Variants in PDCD6 observed in about 807,000 individuals in gnomAD.
PDCD6 encodes programmed cell death protein 6.
PDCD6 carries 12 observed loss-of-function variants against 28.3 expected under a neutral mutation model. The ratio of observed to expected loss-of-function variants is 0.42; its 90% CI spans 0.27 to 0.69. The LOEUF (loss-of-function observed/expected upper bound fraction) is 0.69, where lower values mean the gene tolerates loss of function less well. Ranked by LOEUF, PDCD6 falls within the 30% of genes least tolerant of loss-of-function variation. The pLI is 0.22. For missense variants in PDCD6, 226 were observed against 269.9 expected (o/e 0.84, Z 1.14); for synonymous variants, 92 against 108.0 (o/e 0.85, Z 0.92).
intron 2 of PDCD6, among the ~76,000 whole-genome samples, chr5:297,259 C>T (rs550470329): frequency 3.3e-5 from 5 of 152,378 alleles, no homozygotes; most frequent in Non-Finnish European, 7.3e-5. Context: ...CACTGTGGAT[C>T]TACCATGTGG....
chr5:308,558 A>G (rs1316092694), intron 4 of PDCD6: 2 of 152,122 alleles, frequency 1.3e-5, no homozygotes, highest in Non-Finnish European at 2.9e-5. Context: ...GCCATCTCCC[A>G]CGTCTTCCTT....
chr5:306,519 T>C, intron 3 of PDCD6, 83 bp from the exon 4 acceptor site: 1 of 1,496,440 alleles, frequency 6.7e-7, no homozygotes, highest in Non-Finnish European at 9.3e-7. Flanking sequence ...CGCCAGGCTC[T>C]GAGGGCTGAG....
intron 2 of PDCD6, among the ~76,000 whole-genome samples, chr5:294,031 A>G (rs1403845790): frequency 6.7e-6 from 1 of 148,764 alleles, no homozygotes; most frequent in Non-Finnish European, 1.5e-5. Context: ...AGGTATGGCC[A>G]TGGCTGACAC....
intron 1 of PDCD6, among the ~76,000 whole-genome samples, chr5:272,494 G>A (rs561016271): frequency 4.3e-4 from 59 of 138,512 alleles, no homozygotes; most frequent in Non-Finnish European, 7.9e-4. Context: ...GGAAGGGAAG[G>A]ATTGAGGTGA....
rs1026040825 is a variant in PDCD6, at chr5:314,827, G to A, written c.*312G>A. The stretch of plus-strand genomic sequence containing the variant: ...TTTTCTAGATGTCTCTGGTTCTATA[G>A]TGCAAATGCTTTTATTAGCCAATAG... On this transcript the variant is annotated 3_prime_UTR_variant, in exon 6 of 6. Transcript: ENST00000264933. 9.3e-6 allele frequency: 4 copies of A among 431,446 alleles called. No homozygotes were observed. Among genetic ancestry groups the A allele is most frequent in the East Asian group, 4.8e-5 (1 of 21,004 alleles). The allele number at this position is 431,446 out of a possible 1,614,324, so 26.7% of individuals were successfully genotyped here.
intron 2 of PDCD6, among the ~76,000 whole-genome samples, chr5:281,869 G>A (rs73730798): frequency 3.1e-5 from 4 of 129,112 alleles, no homozygotes; most frequent in Admixed American, 7.6e-5. Context: ...GATGTTGTTC[G>A]CTTTGAGGGT....
chr5:293,293 A>G (rs571451662), intron 2 of PDCD6, among the ~76,000 whole-genome samples: 2 of 150,328 alleles, frequency 1.3e-5, no homozygotes, highest in African/African-American at 4.9e-5. Context: ...ACTGTCAGAG[A>G]TGGAGAAAGG....
rs752391766 is a variant in PDCD6 at position 314,476 on chromosome 5, G to A, written c.537G>A (p.Ser179=). The A allele has an allele frequency of 2.6e-5, 42 of 1,613,610 alleles. No individual in the cohort carries two copies. The highest frequency in any genetic ancestry group is 3.3e-4 in the Middle Eastern group (2 of 6,084). ...ATCAGGACGGCTGGATTCAGGTGTC[G>A]TACGAACAGTACCTGTCCATGGTCT... is the stretch of plus-strand genomic sequence containing the variant. The part of the protein sequence containing the change: ...DTDQDGWIQV[S]YEQYLSMVFS... The change falls in exon 6 of 6, where the codon TCG becomes TCA. Residue 179 remains serine, a synonymous_variant. Coordinates refer to ENST00000264933, the MANE Select transcript of PDCD6 (RefSeq NM_013232.4).
rs575467325 is a variant in PDCD6, at chr5:290,508, A to G, written c.164-13669A>G. Among the ~76,000 whole-genome samples the G allele has an allele frequency of 8.3e-4, 126 of 152,254 alleles. 1 individual carries two copies. The highest frequency in any genetic ancestry group is 3.2e-3 in the Admixed American group (49 of 15,302). On this transcript the variant is annotated intron_variant, in intron 2 of 5. Transcript: ENST00000264933. ...AGAGAGTGAGACCAACAGAGCGAGC[A>G]TCTCCCCAAGCCACTACCACCAACC...
chr5:274,457 G>C (rs1056185992), intron 2 of PDCD6, among the ~76,000 whole-genome samples: 6 of 152,196 alleles, frequency 3.9e-5, no homozygotes, highest in Non-Finnish European at 7.3e-5. Context: ...TACCAGTTTT[G>C]TGTCCTCGCC....
At chr5:295,196 TA>T (rs941475196) in intron 2 of PDCD6, among the ~76,000 whole-genome samples, 6 of 143,974 alleles carry the variant, frequency 4.2e-5, no homozygotes, top group South Asian at 4.2e-4. Context: ...AAAAACATAT[TA>T]AAAAAAACTC....
chr5:286,040 C>T (rs1481126300), intron 2 of PDCD6, among the ~76,000 whole-genome samples: 6 of 140,892 alleles, frequency 4.3e-5, no homozygotes, highest in Non-Finnish European at 7.6e-5. Flanking sequence ...GCTGGAGACC[C>T]GGGGAGTGGG....
At chr5:272,964 A>G (rs1422069689) in intron 2 of PDCD6, 192 bp downstream of exon 2, 8 of 1,101,814 alleles carry the variant, frequency 7.3e-6, no homozygotes, top group African/African-American at 1.9e-5. Context: ...GGAGTGCCTC[A>G]CCGAGCCAGC....
intron 2 of PDCD6, among the ~76,000 whole-genome samples, chr5:281,046 G>A (rs942524091): frequency 6.6e-6 from 1 of 152,206 alleles, no homozygotes; most frequent in Non-Finnish European, 1.5e-5. Context: ...AAATAAGATC[G>A]CATCTACAGC....
intron 2 of PDCD6, among the ~76,000 whole-genome samples, chr5:290,699 G>A (rs1324450265): frequency 1.3e-5 from 2 of 152,228 alleles, no homozygotes; most frequent in Admixed American, 6.5e-5. Context: ...TCTGGCAATT[G>A]AGTCCGTTCA....
chr5:310,229 C>T (rs1023215547), intron 4 of PDCD6: 1 of 158,870 alleles, frequency 6.3e-6, no homozygotes, highest in African/African-American at 2.4e-5. Flanking sequence ...GTCTTTTCAG[C>T]TTGCAAGGAA....
rs556876571 is a variant in PDCD6 at position 290,090 on chromosome 5, G to A, written c.164-14087G>A. ...ATTCTTTCCTTCATTTCATCAAAGG[G>A]AATATATTCGACATTAGGGTTGGGA... On this transcript the variant is annotated intron_variant, in intron 2 of 5. Transcript: ENST00000264933. The A allele has an allele frequency of 4.5e-5, 70 of 1,571,060 alleles. 1 individual carries two copies. The South Asian group carries it at 7.2e-4, about 16-fold the overall frequency.
At chr5:303,308 A>AAAC (rs1238042073) in intron 2 of PDCD6, among the ~76,000 whole-genome samples, 2 of 151,846 alleles carry the variant, frequency 1.3e-5, no homozygotes, top group African/African-American at 4.8e-5. Context: ...AAAAAAAAAA[A>AAAC]AAAACTGTGT....
At chr5:310,020 C>T (rs1198124805) in intron 4 of PDCD6, 4 of 266,314 alleles carry the variant, frequency 1.5e-5, no homozygotes, top group African/African-American at 2.4e-5. Flanking sequence ...CCGCCGTCCC[C>T]GTGCACACCA....
Sources: allele counts gnomAD v4.1 joint callset (sites outside exome capture counted in the v4.1 genomes callset), GRCh38; gene constraint gnomAD v4.1.1; transcripts MANE v1.5; gene names NCBI Gene and HGNC (gene_info 2026-07-23, HGNC 2026-07-21).